TCN2: variants seen among roughly 807,000 people sequenced by gnomAD.
TCN2 encodes the protein transcobalamin 2.
In TCN2, 34 loss-of-function variants were observed where a neutral mutation model predicts 48.6. The observed-to-expected ratio is 0.70, with a 90% confidence interval of 0.53 to 0.93. The LOEUF is 0.93. TCN2 is among the 40% of genes least tolerant of loss of function. The pLI, the probability that TCN2 is intolerant of heterozygous loss-of-function variation, is 0.00. For synonymous variants in TCN2, 283 were observed against 212.5 expected, an observed-to-expected ratio of 1.33 and a Z score of -2.89; for missense variants, 652 against 526.1, an observed-to-expected ratio of 1.24 and a Z score of -2.34.
intron 2 of TCN2, 128 bp from the exon 3 acceptor site, chr22:30,612,745 T>C: frequency 2.6e-6 from 3 of 1,155,858 alleles, no homozygotes; most frequent in Non-Finnish European, 3.7e-6. Context: ...CACCTCCTTT[T>C]GGAGCTTTTA....
chr22:30,610,831 C>A (rs747110516), intron 1 of TCN2, 40 bp from the exon 2 acceptor site: 7 of 1,610,830 alleles, frequency 4.3e-6, no homozygotes, highest in Non-Finnish European at 5.1e-6. Flanking sequence ...TGCTGGTGGC[C>A]TGGCCCTGTG....
At chr22:30,622,499 G>A (rs1050232766) in intron 7 of TCN2, among the ~76,000 whole-genome samples, 3 of 152,202 alleles carry the variant, frequency 2.0e-5, no homozygotes, top group Non-Finnish European at 4.4e-5. Flanking sequence ...GCAGCCCCGA[G>A]AAGAGGGGAA....
intron 2 of TCN2, 73 bp downstream of exon 2, chr22:30,611,136 G>A (rs2087534674): frequency 1.3e-6 from 2 of 1,596,906 alleles, no homozygotes; most frequent in Non-Finnish European, 1.7e-6. Flanking sequence ...ACTAGTTTGG[G>A]CCTGTCACCA....
intron 1 of TCN2, chr22:30,610,354 G>A: frequency 2.2e-6 from 1 of 464,162 alleles, no homozygotes; most frequent in Non-Finnish European, 4.5e-6. Flanking sequence ...TTCTGCATGT[G>A]GGCTGATGTT....
At position 30,615,358 on chromosome 22, in the gene TCN2, C is replaced by G. The variant is rs774581238; in HGVS notation, c.638C>G (p.Pro213Arg). The G allele has an allele frequency of 1.6e-5, 26 of 1,614,092 alleles. No homozygotes were observed. The Admixed American group carries it at 4.0e-4, about 25-fold the overall frequency. Residue 213 changes from proline to arginine, a missense_variant, in exon 5 of 9, where the codon CCT becomes CGT. Physicochemically the swap from Pro to Arg is moderately radical, Grantham distance 103 (BLOSUM62 -2). Transcript: ENST00000215838. ...FTCLKRSNFN[P>R]GRRQRITMAI... is the part of the protein sequence containing the mutation. ...TGTCTGAAGCGCTCAAACTTCAACC[C>G]TGGTCGGAGACAACGGATCACCATG...
In TCN2 at chr22:30,614,388, A is replaced by T. The variant is rs1187936976; in HGVS notation, c.467A>T (p.Gln156Leu). The T allele has an allele frequency of 6.2e-7, 1 of 1,614,118 alleles. No homozygotes were observed. Among genetic ancestry groups the T allele is most frequent in the Non-Finnish European group, 8.5e-7 (1 of 1,180,012 alleles). ...GGCCACCCCCACACTAGCTACTACC[A>T]GTATGGCCTGGGCATTCTGGCCCTG... is the stretch of plus-strand genomic sequence containing the variant. ...HKGHPHTSYY[Q>L]YGLGILALCL... The change falls in exon 4 of 9, where the codon CAG becomes CTG. Residue 156 changes from glutamine to leucine, a missense_variant. Transcript: ENST00000215838.
chr22:30,620,169 G>A (rs1480500675), intron 7 of TCN2, among the ~76,000 whole-genome samples: 1 of 151,576 alleles, frequency 6.6e-6, no homozygotes, highest in Non-Finnish European at 1.5e-5. Flanking sequence ...AAAAGACAAA[G>A]GGCTGAGTGT....
chr22:30,612,532 A>G (rs891326515), intron 2 of TCN2, among the ~76,000 whole-genome samples: 17 of 151,294 alleles, frequency 1.1e-4, no homozygotes, highest in Non-Finnish European at 1.3e-4. Flanking sequence ...CCTGGGCAAC[A>G]AGAGCGAAAC....
In TCN2 at chr22:30,607,218, C is replaced by A; in HGVS notation, c.-114C>A. On this transcript the variant is annotated 5_prime_UTR_variant, in exon 1 of 9. Coordinates refer to ENST00000215838, the MANE Select transcript of TCN2 (RefSeq NM_000355.4). ...GCAGGCATGGAGGATTAATCAGTGA[C>A]AGGAAGCTGCGTCTCTCGGAGCGGT... is the stretch of plus-strand genomic sequence containing the variant. 1.8e-6 allele frequency: 2 copies of A among 1,138,282 alleles called. No individual in the cohort carries two copies. The highest frequency in any genetic ancestry group is 2.7e-6 in the Non-Finnish European group (2 of 753,480). 70.5% of individuals were successfully genotyped at this position (1,138,282 alleles called of 1,614,324 possible). A position where few individuals can be genotyped will look rare whatever the true frequency, so the allele number is the denominator to read the frequency against.
At position 30,626,553 on chromosome 22, in the gene TCN2, A is replaced by G. The variant is rs1445925540; in HGVS notation, c.*32A>G. 6.2e-7 allele frequency: 1 copy of G among 1,611,998 alleles called. No homozygotes were observed. Among genetic ancestry groups the G allele is most frequent in the African/African-American group, 1.3e-5 (1 of 74,862 alleles). Reference sequence around the variant, plus strand: ...AGCTCCCTCATCCCAGCAGCCTCGCACACTCCCTAGGCTTCTACCCTCCCT... The same window carrying G: ...AGCTCCCTCATCCCAGCAGCCTCGCGCACTCCCTAGGCTTCTACCCTCCCT... On this transcript the variant is annotated 3_prime_UTR_variant, in exon 9 of 9. Transcript: ENST00000215838.
Position 30,607,375 on chromosome 22 carries a change from G to A in TCN2, c.44G>A (p.Gly15Glu), listed in dbSNP as rs753691523. 3 of 1,614,126 alleles carry A rather than the reference G, an allele frequency of 1.9e-6. No individual in the cohort carries two copies. The highest frequency in any genetic ancestry group is 1.7e-5 in the Admixed American group (1 of 60,016). ...TTCCTCTTCCTTCTGGGGGTCCTGG[G>A]GGCCCTCACTGAGATGTGTGGTGAG... ...GAFLFLLGVL[G>E]ALTEMCEIPE... The change falls in exon 1 of 9, where the codon GGG becomes GAG. Residue 15 changes from glycine (G) to glutamate (E), a missense_variant. Gly to Glu is a moderately conservative substitution (Grantham distance 98, BLOSUM62 -2). Transcript: ENST00000215838.
At chr22:30,613,166 C>G in intron 3 of TCN2, 124 bp downstream of exon 3, 1 of 1,351,854 alleles carries the variant, frequency 7.4e-7, no homozygotes, top group Non-Finnish European at 1.0e-6. Flanking sequence ...CCATTCTGCC[C>G]ATCTCACTGC....
At position 30,624,853 on chromosome 22, in the gene TCN2, T is replaced by C. The variant is rs192261391; in HGVS notation, c.1223-1607T>C. 2.9e-3 allele frequency among the ~76,000 whole-genome samples: 447 copies of C among 152,300 alleles called. 1 individual carries two copies. Among genetic ancestry groups the C allele is most frequent in the African/African-American group, 9.7e-3 (402 of 41,574 alleles). ...GTGGAAAGTGGATGGGAGTTATAAT[T>C]TGAGTTCTCTTTTGTCTTAGTCCAT... On this transcript the variant is annotated intron_variant, in intron 8 of 8. Transcript: ENST00000215838.
intron 1 of TCN2, among the ~76,000 whole-genome samples, chr22:30,609,880 T>G (rs1445638187): frequency 1.3e-5 from 2 of 152,172 alleles, no homozygotes; most frequent in East Asian, 3.8e-4. Flanking sequence ...GACACGAGGT[T>G]GTGGGACCCA....
chr22:30,622,449 G>A (rs72558386), intron 7 of TCN2, among the ~76,000 whole-genome samples: 6 of 152,190 alleles, frequency 3.9e-5, no homozygotes, highest in East Asian at 1.9e-4. Flanking sequence ...CCACAACAGC[G>A]GGTGTAGAGC....
At chr22:30,614,880 G>T (rs558858750) in intron 4 of TCN2, among the ~76,000 whole-genome samples, 2 of 152,158 alleles carry the variant, frequency 1.3e-5, no homozygotes, top group Admixed American at 6.5e-5. Context: ...CTGCCCTCCA[G>T]CCTGGGCAAC....
At chr22:30,615,173 C>T in intron 4 of TCN2, 128 bp from the exon 5 acceptor site, 1 of 945,034 alleles carries the variant, frequency 1.1e-6, no homozygotes, top group Non-Finnish European at 1.7e-6. Flanking sequence ...CTGATCTGAC[C>T]ATGTTGCCCT....
chr22:30,623,849 TACAC>T lies in TCN2; in HGVS notation c.1222+768_1222+771del, dbSNP rs1291629424. On this transcript the variant is annotated intron_variant, in intron 8 of 8. Transcript: ENST00000215838. The stretch of plus-strand genomic sequence containing the variant: ...ACACACACATATACACACACATACA[TACAC>T]ATACATACACACATATATACACACA... Among the ~76,000 whole-genome samples, 59 of 34,178 alleles carry T rather than the reference TACAC, an allele frequency of 1.7e-3. 19 individuals carry two copies. Among genetic ancestry groups the T allele is most frequent in the East Asian group, 5.6e-3 (14 of 2,496 alleles). 22.4% of individuals were successfully genotyped at this position (34,178 alleles called of 152,430 possible). A position where few individuals can be genotyped will look rare whatever the true frequency, so the allele number is the denominator to read the frequency against.
rs1198211935 is a variant in TCN2 at position 30,624,043 on chromosome 22, T to TAC, written c.1222+978_1222+979dup. On this transcript the variant is annotated intron_variant, in intron 8 of 8. Transcript: ENST00000215838. The stretch of plus-strand genomic sequence containing the variant: ...ACACACATATATATGTATACATATA[T>TAC]ACACACACACACACACACATATATA... 2.5e-3 allele frequency among the ~76,000 whole-genome samples: 71 copies of TAC among 28,620 alleles called. 23 individuals carry two copies. Among genetic ancestry groups the TAC allele is most frequent in the South Asian group, 4.2e-3 (7 of 1,650 alleles). 18.8% of individuals were successfully genotyped at this position (28,620 alleles called of 152,430 possible).
Sources: gnomAD v4.1 joint callset for allele counts (sites outside exome capture counted in the v4.1 genomes callset) on GRCh38, gnomAD v4.1.1 for gene constraint, MANE v1.5 for transcripts, NCBI Gene and HGNC (gene_info 2026-07-23, HGNC 2026-07-21) for gene names.